Variants in CTNNA3 observed in about 807,000 individuals in gnomAD.
CTNNA3 encodes catenin alpha-3.
A neutral mutation model predicts 95.7 loss-of-function variants in CTNNA3; 76 were observed. The ratio of observed to expected loss-of-function variants is 0.79; its 90% CI spans 0.66 to 0.96. The LOEUF (loss-of-function observed/expected upper bound fraction) is 0.96. CTNNA3 is among the 40% of genes least tolerant of loss of function. The probability of loss-of-function intolerance (pLI) is 0.00; values close to 1 mark genes in which losing one functional copy is unlikely to be tolerated. For missense variants in CTNNA3, 1,191 were observed against 1,089.8 expected, an observed-to-expected ratio of 1.09 and a Z score of -1.31; for synonymous variants, 431 against 374.4, an observed-to-expected ratio of 1.15 and a Z score of -1.74.
At chr10:67,026,467 C>T (rs1314523370) in intron 7 of CTNNA3, among the ~76,000 whole-genome samples, 2 of 151,488 alleles carry the variant, frequency 1.3e-5, no homozygotes, top group African/African-American at 4.8e-5. Context: ...TATAACAAAA[C>T]AAAAGAAATA....
intron 5 of CTNNA3, among the ~76,000 whole-genome samples, chr10:67,412,072 A>G (rs1034179955): frequency 6.6e-6 from 1 of 152,130 alleles, no homozygotes; most frequent in Admixed American, 6.6e-5. Flanking sequence ...TGATTTTGTA[A>G]ATACTTGGCA....
At chr10:66,217,565 A>G (rs1684347039) in intron 13 of CTNNA3, among the ~76,000 whole-genome samples, 1 of 152,176 alleles carries the variant, frequency 6.6e-6, no homozygotes, top group Non-Finnish European at 1.5e-5. Context: ...AGTTTTCACT[A>G]TTACAAATAC....
At chr10:66,006,808 C>T (rs1291888989) in intron 15 of CTNNA3, among the ~76,000 whole-genome samples, 1 of 152,200 alleles carries the variant, frequency 6.6e-6, no homozygotes, top group African/African-American at 2.4e-5. Flanking sequence ...AGCCTACTGA[C>T]TCACTTCTTA....
chr10:66,770,232 T>C (rs1242999228), intron 8 of CTNNA3, among the ~76,000 whole-genome samples: 1 of 152,210 alleles, frequency 6.6e-6, no homozygotes, highest in Non-Finnish European at 1.5e-5. Context: ...TCTGACATAT[T>C]CATATGGAAT....
At chr10:67,347,597 A>G (rs1209334412) in intron 5 of CTNNA3, among the ~76,000 whole-genome samples, 2 of 152,186 alleles carry the variant, frequency 1.3e-5, no homozygotes, top group South Asian at 2.1e-4. Context: ...TGAACTCAGA[A>G]GTAAATTCTT....
At chr10:66,516,064 G>A (rs5005989) in intron 11 of CTNNA3, among the ~76,000 whole-genome samples, 134,054 of 141,084 alleles carry the variant, frequency 0.95, 63,610 homozygotes, top group East Asian at 1. Context: ...TAATTATCTG[G>A]AAAAAAAAAA....
At chr10:66,797,913 T>A (rs1841273783) in intron 7 of CTNNA3, among the ~76,000 whole-genome samples, 1 of 151,954 alleles carries the variant, frequency 6.6e-6, no homozygotes, top group South Asian at 2.1e-4. Context: ...TCCAATTTCA[T>A]AATGTCAATA....
intron 5 of CTNNA3, among the ~76,000 whole-genome samples, chr10:67,448,643 T>TTG (rs1410327471): frequency 1.3e-5 from 2 of 151,574 alleles, no homozygotes; most frequent in Non-Finnish European, 2.9e-5. Flanking sequence ...TGAGCACCTG[T>TTG]TGTACATTTT....
intron 7 of CTNNA3, among the ~76,000 whole-genome samples, chr10:66,974,631 A>G (rs751595318): frequency 1.1e-4 from 16 of 152,232 alleles, no homozygotes; most frequent in Non-Finnish European, 2.2e-4. Context: ...TCAGTAATGT[A>G]TAAGAGTTTC....
chr10:67,514,846 C>T (rs150417675), intron 5 of CTNNA3, among the ~76,000 whole-genome samples: 4,305 of 151,728 alleles, frequency 0.028, 79 homozygotes, highest in South Asian at 0.1. Flanking sequence ...CTGCCCACAA[C>T]GCAAACTACT....
chr10:67,301,982 AG>A (rs1564548049), intron 5 of CTNNA3, among the ~76,000 whole-genome samples: 3,750 of 99,980 alleles, frequency 0.038, 657 homozygotes, highest in African/African-American at 0.15. Flanking sequence ...GAAAAAAGAA[AG>A]AAAGAAAGAA....
chr10:67,273,421 A>T (rs1025872814), intron 5 of CTNNA3, among the ~76,000 whole-genome samples: 2 of 152,144 alleles, frequency 1.3e-5, no homozygotes, highest in Non-Finnish European at 2.9e-5. Flanking sequence ...TTAGATGCCA[A>T]TACACATCTG....
At chr10:67,707,100 G>A (rs1247792814) in intron 1 of CTNNA3, among the ~76,000 whole-genome samples, 4 of 151,970 alleles carry the variant, frequency 2.6e-5, no homozygotes, top group Non-Finnish European at 5.9e-5. Flanking sequence ...TCTTTAACAT[G>A]TCCACATTTC....
At position 66,128,423 on chromosome 10, in the gene CTNNA3, T is replaced by C. The variant is rs982990753; in HGVS notation, c.1885-25174A>G. 5.3e-5 allele frequency among the ~76,000 whole-genome samples: 8 copies of C among 152,112 alleles called. No individual in the cohort carries two copies. In the South Asian group the frequency reaches 6.2e-4, roughly 12 times the overall value. On this transcript the variant is annotated intron_variant, in intron 13 of 17. Transcript: ENST00000433211. Reference sequence around the variant, plus strand: ...CCTTTGGTAGGTGAATAAATAGATATACTGTGGTACATCCAGACAATAGAT... The same window carrying C: ...CCTTTGGTAGGTGAATAAATAGATACACTGTGGTACATCCAGACAATAGAT...
chr10:65,972,389 G>T (rs2078122445), intron 16 of CTNNA3, among the ~76,000 whole-genome samples: 1 of 151,940 alleles, frequency 6.6e-6, no homozygotes, highest in African/African-American at 2.4e-5. Context: ...CAAATAAAAA[G>T]TCAACCTATA....
intron 6 of CTNNA3, among the ~76,000 whole-genome samples, chr10:67,186,255 C>T (rs1291249983): frequency 6.6e-6 from 1 of 152,074 alleles, no homozygotes; most frequent in Admixed American, 6.5e-5. Context: ...GAAAAAACTG[C>T]CGTGATTTTT....
intron 11 of CTNNA3, among the ~76,000 whole-genome samples, chr10:66,462,969 T>G (rs1255658683): frequency 1.3e-5 from 2 of 152,198 alleles, no homozygotes; most frequent in East Asian, 3.8e-4. Context: ...ATAATTCATT[T>G]ACATTCTTGG....
chr10:66,055,264 A>G (rs2080054878), intron 15 of CTNNA3, among the ~76,000 whole-genome samples: 1 of 152,094 alleles, frequency 6.6e-6, no homozygotes, highest in Non-Finnish European at 1.5e-5. Context: ...GAAGAATGTC[A>G]TTGGTATTTT....
rs540886491 is a variant in CTNNA3 at position 66,030,589 on chromosome 10, TA to T, written c.2159+38718del. On this transcript the variant is annotated intron_variant, in intron 15 of 17. Coordinates refer to ENST00000433211, the MANE Select transcript of CTNNA3 (RefSeq NM_013266.4). ...GGATTAACAACTTAAATGTAAGACC[TA>T]AACCTATGAAAATCCTAGAAGAAAC... 1.3e-3 allele frequency among the ~76,000 whole-genome samples: 194 copies of T among 152,272 alleles called. 2 individuals carry two copies. Among genetic ancestry groups the T allele is most frequent in the African/African-American group, 4.3e-3 (177 of 41,564 alleles).
Sources: allele counts gnomAD v4.1 joint callset (sites outside exome capture counted in the v4.1 genomes callset), GRCh38; gene constraint gnomAD v4.1.1; transcripts MANE v1.5; gene names NCBI Gene and HGNC (gene_info 2026-07-23, HGNC 2026-07-21).